GTF2H4: variants seen among roughly 807,000 people sequenced by gnomAD.
The protein encoded by GTF2H4 is general transcription factor IIH subunit 4.
Under a neutral mutation model 62.2 loss-of-function variants are expected in GTF2H4, and 49 were observed. That is an observed-to-expected ratio of 0.79 (90% confidence interval 0.63 to 1.00). The LOEUF is 1.00. Ranked by LOEUF, GTF2H4 falls within the 50% of genes least tolerant of loss-of-function variation. The pLI is 0.00. For missense variants in GTF2H4, 479 were observed against 587.8 expected (o/e 0.81, Z 1.91); for synonymous variants, 189 against 233.8 (o/e 0.81, Z 1.75).
At position 30,910,964 on chromosome 6, in the gene GTF2H4, A is replaced by T. The variant is rs1294610512; in HGVS notation, c.560+23A>T. On this transcript the variant is annotated intron_variant, in intron 6 of 13. Transcript: ENST00000259895. This position sits in a 1 kb window ranked among gnomAD's most constrained non-coding sequence, Gnocchi z 4.7. Reference sequence around the variant, plus strand: ...GAGGTGAGGAAGCCGGAGGTACAGCAGCTCTCTGCTGTGCCATCTCCTTGG... The same window carrying T: ...GAGGTGAGGAAGCCGGAGGTACAGCTGCTCTCTGCTGTGCCATCTCCTTGG... The T allele has an allele frequency of 6.4e-7, 1 of 1,566,932 alleles. No individual in the cohort carries two copies. Among genetic ancestry groups the T allele is most frequent in the Non-Finnish European group, 8.7e-7 (1 of 1,148,284 alleles).
chr6:30,909,209 G>T lies in GTF2H4; in HGVS notation c.137+36G>T. 2.5e-6 allele frequency: 4 copies of T among 1,594,790 alleles called. No homozygotes were observed. Among genetic ancestry groups the T allele is most frequent in the Non-Finnish European group, 3.4e-6 (4 of 1,169,094 alleles). ...CCTTCATGGCAGGGAAATGTAATGGGGTCTGCGGAGTGGAATAAAATATCA... is the reference window on the plus strand; with the variant it reads ...CCTTCATGGCAGGGAAATGTAATGGTGTCTGCGGAGTGGAATAAAATATCA... On this transcript the variant is annotated intron_variant, in intron 2 of 13. Transcript: ENST00000259895. The surrounding 1 kb of genome is among the most constrained non-coding windows in gnomAD (Gnocchi z 4.3).
rs1427961977 is a variant in GTF2H4, at chr6:30,911,221, C to T, written c.624C>T (p.Thr208=). Residue 208 remains threonine, a synonymous_variant, in exon 7 of 14, where the codon ACC becomes ACT. Transcript: ENST00000259895. This position sits in a 1 kb window ranked among gnomAD's most constrained non-coding sequence, Gnocchi z 4.3. Reference sequence around the variant, plus strand: ...GCTTCCAGTTCCTGTTGCTGGACACCCCGGCTCAGCTCTGGTACTTTATGT... The same window carrying T: ...GCTTCCAGTTCCTGTTGCTGGACACTCCGGCTCAGCTCTGGTACTTTATGT... ...SAGFQFLLLD[T]PAQLWYFMLQ... 5 of 1,613,672 alleles carry T rather than the reference C, an allele frequency of 3.1e-6. No individual in the cohort carries two copies. The highest frequency in any genetic ancestry group is 3.5e-4 in the Middle Eastern group (2 of 5,690).
At chr6:30,908,913 A>C in intron 1 of GTF2H4, 121 bp from the exon 2 acceptor site, 1 of 1,100,270 alleles carries the variant, frequency 9.1e-7, no homozygotes, top group Non-Finnish European at 1.4e-6. Context: ...GACATGGGAA[A>C]GGAGACCACA....
Position 30,911,145 on chromosome 6 carries a change from T to A in GTF2H4, c.561-13T>A. 6.3e-7 allele frequency: 1 copy of A among 1,596,756 alleles called. No homozygotes were observed. The highest frequency in any genetic ancestry group is 8.6e-7 in the Non-Finnish European group (1 of 1,164,836). The stretch of plus-strand genomic sequence containing the variant: ...CTGCATATCACCATCATTGTCCTGG[T>A]CTTTGTCTCTAGTACTGAACCTGGA... On this transcript the variant is annotated splice_polypyrimidine_tract_variant and intron_variant, in intron 6 of 13. Transcript: ENST00000259895. The surrounding 1 kb of genome is among the most constrained non-coding windows in gnomAD (Gnocchi z 4.3).
Position 30,910,871 on chromosome 6 carries a change from GT to G in GTF2H4, c.491del (p.Val164GlyfsTer22). ...ERWEVVLHFM[V>X]GSPSAAVSQD... ...TCTTCAGGTGGTCTTGCACTTCATG[GT>G]GGGCTCCCCCAGTGCAGCTGTCAGC... On this transcript the variant is annotated frameshift_variant, in exon 6 of 14. Transcript: ENST00000259895. LOFTEE classifies it high-confidence loss of function. This position sits in a 1 kb window ranked among gnomAD's most constrained non-coding sequence, Gnocchi z 4.7. The G allele has an allele frequency of 6.2e-7, 1 of 1,612,404 alleles. No individual in the cohort carries two copies. The highest frequency in any genetic ancestry group is 1.3e-5 in the African/African-American group (1 of 74,996).
Position 30,912,055 on chromosome 6 carries a change from TC to T in GTF2H4, c.868del (p.Leu290SerfsTer57). On this transcript the variant is annotated frameshift_variant, in exon 10 of 14. Transcript: ENST00000259895. LOFTEE classifies it high-confidence loss of function. The surrounding 1 kb of genome is among the most constrained non-coding windows in gnomAD (Gnocchi z 4.8). ...ACTACCCCACACGCCTGGCCATCAA[TC>T]TCTCATCAGGTGTCTCTGGAGCTGG... ...RYYPTRLAIN[L>X]SSGVSGAGGT... 1 of 1,612,898 alleles carries T rather than the reference TC, an allele frequency of 6.2e-7. No individual in the cohort carries two copies. The highest frequency in any genetic ancestry group is 8.5e-7 in the Non-Finnish European group (1 of 1,179,966).
chr6:30,909,248 A>AG lies in GTF2H4; in HGVS notation c.137+76dup, dbSNP rs1177684473. 3 of 1,506,712 alleles carry AG rather than the reference A, an allele frequency of 2.0e-6. No individual in the cohort carries two copies. Among genetic ancestry groups the AG allele is most frequent in the African/African-American group, 2.8e-5 (2 of 72,214 alleles). The allele number at this position is 1,506,712 out of a possible 1,614,324, so 93.3% of individuals were successfully genotyped here. ...AATAAAATATCATAGGTAAAAGTGT[A>AG]GCAGCCTGGAGTCGGGGTGGGGACT... On this transcript the variant is annotated intron_variant, in intron 2 of 13. Transcript: ENST00000259895. This position sits in a 1 kb window ranked among gnomAD's most constrained non-coding sequence, Gnocchi z 4.3.
In GTF2H4 at chr6:30,912,593, A is replaced by G; in HGVS notation, c.1089+135A>G. ...GTGAGTTGTCTGTGTTTGAAGAGAA[A>G]TGAAGGCTTTGGGTGTGAGAATAGG... On this transcript the variant is annotated intron_variant, in intron 11 of 13. Coordinates refer to ENST00000259895, the MANE Select transcript of GTF2H4 (RefSeq NM_001517.5). The surrounding 1 kb of genome is among the most constrained non-coding windows in gnomAD (Gnocchi z 4.8). The G allele has an allele frequency of 7.8e-6, 9 of 1,148,760 alleles. No homozygotes were observed. The highest frequency in any genetic ancestry group is 9.9e-6 in the Non-Finnish European group (8 of 810,954). 71.2% of individuals were successfully genotyped at this position (1,148,760 alleles called of 1,614,324 possible).
intron 1 of GTF2H4, among the ~76,000 whole-genome samples, 173 bp downstream of exon 1, chr6:30,908,576 A>G (rs1391258262): frequency 2.0e-5 from 3 of 152,126 alleles, no homozygotes; most frequent in Non-Finnish European, 4.4e-5. Flanking sequence ...AGATTTGGGA[A>G]GCATGGAGGG....
Position 30,910,698 on chromosome 6 carries a change from G to A in GTF2H4, c.408G>A (p.Leu136=). Residue 136 remains leucine, a synonymous_variant, in exon 5 of 14, where the codon CTG becomes CTA. Coordinates refer to ENST00000259895, the MANE Select transcript of GTF2H4 (RefSeq NM_001517.5). This position sits in a 1 kb window ranked among gnomAD's most constrained non-coding sequence, Gnocchi z 4.7. ...GKAWSDDTSQ[L]GPDKHARDVP... is the part of the protein sequence containing the mutation. ...CCTGGTCTGATGACACAAGTCAGCTGGGACCAGACAAGCATGCCCGGGACG... is the reference window on the plus strand; with the variant it reads ...CCTGGTCTGATGACACAAGTCAGCTAGGACCAGACAAGCATGCCCGGGACG... The A allele has an allele frequency of 6.2e-7, 1 of 1,613,010 alleles. No homozygotes were observed. Among genetic ancestry groups the A allele is most frequent in the Non-Finnish European group, 8.5e-7 (1 of 1,179,998 alleles).
chr6:30,913,529 G>C lies in GTF2H4; in HGVS notation c.1216+142G>C. 2 of 944,818 alleles carry C rather than the reference G, an allele frequency of 2.1e-6. No individual in the cohort carries two copies. The highest frequency in any genetic ancestry group is 3.2e-6 in the Non-Finnish European group (2 of 633,180). The allele number at this position is 944,818 out of a possible 1,614,324, so 58.5% of individuals were successfully genotyped here. ...TTTGTTGTTTTGGGGTGAGTCGGTA[G>C]TAAACAAATCGTCCCAAATCAATGC... is the stretch of plus-strand genomic sequence containing the variant. On this transcript the variant is annotated intron_variant, in intron 13 of 13. Coordinates refer to ENST00000259895, the MANE Select transcript of GTF2H4 (RefSeq NM_001517.5). This position sits in a 1 kb window ranked among gnomAD's most constrained non-coding sequence, Gnocchi z 4.2.
chr6:30,910,733 T>C lies in GTF2H4; in HGVS notation c.443T>C (p.Leu148Pro). ...PDKHARDVPS[L>P]DKYAEERWEV... is the part of the protein sequence containing the mutation. ...AAGCATGCCCGGGACGTTCCCTCCC[T>C]TGACAAGTACGCCGAGGAGCGATGG... Residue 148 changes from leucine to proline, a missense_variant, in exon 5 of 14, where the codon CTT (leucine) becomes CCT (proline). Transcript: ENST00000259895. This position sits in a 1 kb window ranked among gnomAD's most constrained non-coding sequence, Gnocchi z 4.7. The C allele has an allele frequency of 6.2e-7, 1 of 1,612,938 alleles. No individual in the cohort carries two copies. The highest frequency in any genetic ancestry group is 8.5e-7 in the Non-Finnish European group (1 of 1,179,954).
chr6:30,912,913 A>G lies in GTF2H4; in HGVS notation c.1090-197A>G, dbSNP rs1165741617. ...AACAAAACATTACTGGAAAGGGCGA[A>G]TGTGCCAGAAAAGGAATATCCCACG... On this transcript the variant is annotated intron_variant, in intron 11 of 13. Coordinates refer to ENST00000259895, the MANE Select transcript of GTF2H4 (RefSeq NM_001517.5). This position sits in a 1 kb window ranked among gnomAD's most constrained non-coding sequence, Gnocchi z 4.8. 6.6e-6 allele frequency among the ~76,000 whole-genome samples: 1 copy of G among 152,162 alleles called. No individual in the cohort carries two copies. The highest frequency in any genetic ancestry group is 1.5e-5 in the Non-Finnish European group (1 of 68,028).
chr6:30,910,503 G>A lies in GTF2H4; in HGVS notation c.375-162G>A, dbSNP rs1396798004. 1.1e-5 allele frequency: 7 copies of A among 666,052 alleles called. No homozygotes were observed. In the East Asian group the frequency reaches 1.9e-4, roughly 18 times the overall value. 41.3% of individuals were successfully genotyped at this position (666,052 alleles called of 1,614,324 possible). On this transcript the variant is annotated intron_variant, in intron 4 of 13. Transcript: ENST00000259895. This position sits in a 1 kb window ranked among gnomAD's most constrained non-coding sequence, Gnocchi z 4.7. ...CACCACGACGCCAGGCTAATTTTTT[G>A]TATTTTTAGTAGAGATGGGGTTTCG...
At position 30,911,878 on chromosome 6, in the gene GTF2H4, C is replaced by T; in HGVS notation, c.825+111C>T. 7.1e-7 allele frequency: 1 copy of T among 1,411,856 alleles called. No individual in the cohort carries two copies. The highest frequency in any genetic ancestry group is 1.2e-5 in the South Asian group (1 of 85,556). 87.5% of individuals were successfully genotyped at this position (1,411,856 alleles called of 1,614,324 possible). On this transcript the variant is annotated intron_variant, in intron 9 of 13. Coordinates refer to ENST00000259895, the MANE Select transcript of GTF2H4 (RefSeq NM_001517.5). The surrounding 1 kb of genome is among the most constrained non-coding windows in gnomAD (Gnocchi z 4.3). Reference sequence around the variant, plus strand: ...CAGTAGCAGGAAGCAGTTGCCAGAACTGAATACTTGGGTCTCTCGGGGGAG... The same window carrying T: ...CAGTAGCAGGAAGCAGTTGCCAGAATTGAATACTTGGGTCTCTCGGGGGAG...
At position 30,910,829 on chromosome 6, in the gene GTF2H4, TC is replaced by T; in HGVS notation, c.472-21del. On this transcript the variant is annotated intron_variant, in intron 5 of 13. Transcript: ENST00000259895. The surrounding 1 kb of genome is among the most constrained non-coding windows in gnomAD (Gnocchi z 4.7). ...TTCCCATGGCCCTTGGGGCATGGTC[TC>T]CCTGTTCTCTTCTGTTCTTCAGGTG... is the stretch of plus-strand genomic sequence containing the variant. The T allele has an allele frequency of 1.9e-6, 3 of 1,607,856 alleles. No individual in the cohort carries two copies. Among genetic ancestry groups the T allele is most frequent in the Non-Finnish European group, 2.6e-6 (3 of 1,175,628 alleles).
rs770431577 is a variant in GTF2H4 at position 30,911,066 on chromosome 6, G to T, written c.561-92G>T. 1.5e-6 allele frequency: 2 copies of T among 1,324,708 alleles called. No homozygotes were observed. Among genetic ancestry groups the T allele is most frequent in the Non-Finnish European group, 1.1e-6 (1 of 925,588 alleles). 82.1% of individuals were successfully genotyped at this position (1,324,708 alleles called of 1,614,324 possible). On this transcript the variant is annotated intron_variant, in intron 6 of 13. Transcript: ENST00000259895. This position sits in a 1 kb window ranked among gnomAD's most constrained non-coding sequence, Gnocchi z 4.3. ...GAAAAGGCAAGCTGAGTAGAATATA[G>T]CCAGAGATACCAAGAAAAAACGTGA...
At position 30,913,041 on chromosome 6, in the gene GTF2H4, G is replaced by A; in HGVS notation, c.1090-69G>A. The A allele has an allele frequency of 6.8e-7, 1 of 1,474,900 alleles. No homozygotes were observed. The highest frequency in any genetic ancestry group is 9.5e-7 in the Non-Finnish European group (1 of 1,056,454). 91.4% of individuals were successfully genotyped at this position (1,474,900 alleles called of 1,614,324 possible). A position where few individuals can be genotyped will look rare whatever the true frequency, so the allele number is the denominator to read the frequency against. ...ATAAGCTGATGTTCCAGTGACATTA[G>A]GTGACAGCTCAGATGGCTTTCCTGC... On this transcript the variant is annotated intron_variant, in intron 11 of 13. Transcript: ENST00000259895. The surrounding 1 kb of genome is among the most constrained non-coding windows in gnomAD (Gnocchi z 4.2).
Position 30,914,008 on chromosome 6 carries a change from TCGG to T in GTF2H4, c.*29_*31del. Reference sequence around the variant, plus strand: ...AGAGCGCGGGACTTGGACACGGACCTCGGCGGGCGGGACTGGGCGGGGCGGGGC... The same window carrying T: ...AGAGCGCGGGACTTGGACACGGACCTCGGGCGGGACTGGGCGGGGCGGGGC... On this transcript the variant is annotated 3_prime_UTR_variant, in exon 14 of 14. Transcript: ENST00000259895. 1 of 1,306,396 alleles carries T rather than the reference TCGG, an allele frequency of 7.7e-7. No homozygotes were observed. The highest frequency in any genetic ancestry group is 1.1e-6 in the Non-Finnish European group (1 of 926,220). The allele number at this position is 1,306,396 out of a possible 1,614,324, so 80.9% of individuals were successfully genotyped here. A position where few individuals can be genotyped will look rare whatever the true frequency, so the allele number is the denominator to read the frequency against.
Sources: gnomAD v4.1 joint callset for allele counts (sites outside exome capture counted in the v4.1 genomes callset) on GRCh38, gnomAD v4.1.1 for gene constraint, Gnocchi (gnomAD v3.1) non-coding constraint, MANE v1.5 for transcripts, NCBI Gene and HGNC (gene_info 2026-07-23, HGNC 2026-07-21) for gene names.